NPAS3: variants seen among roughly 807,000 people sequenced by gnomAD.
The protein encoded by NPAS3 is neuronal PAS domain-containing protein 3.
In NPAS3, 14 loss-of-function variants were observed where a neutral mutation model predicts 73.1. The observed-to-expected ratio is 0.19, with a 90% confidence interval of 0.13 to 0.30. The LOEUF (loss-of-function observed/expected upper bound fraction) is 0.30. Ranked by LOEUF, NPAS3 falls within the 10% of genes least tolerant of loss-of-function variation. The pLI is 1.00. For missense variants in NPAS3, 1,096 were observed against 1,250.0 expected, an observed-to-expected ratio of 0.88 and a Z score of 1.86; for synonymous variants, 620 against 541.5, an observed-to-expected ratio of 1.14 and a Z score of -2.01.
At chr14:33,760,453 G>A (rs1484145705) in intron 7 of NPAS3, among the ~76,000 whole-genome samples, 1 of 152,126 alleles carries the variant, frequency 6.6e-6, no homozygotes, top group Admixed American at 6.6e-5. Flanking sequence ...TATGTAGTTT[G>A]GAAGAAGTGC....
intron 2 of NPAS3, among the ~76,000 whole-genome samples, chr14:33,067,044 C>T (rs1392152984): frequency 6.6e-6 from 1 of 152,194 alleles, no homozygotes; most frequent in African/African-American, 2.4e-5. Flanking sequence ...AGTGGAAGCT[C>T]AGAGAGGTCA....
intron 5 of NPAS3, among the ~76,000 whole-genome samples, chr14:33,583,052 A>G (rs1054409761): frequency 1.4e-5 from 2 of 139,032 alleles, no homozygotes; most frequent in African/African-American, 5.7e-5. Flanking sequence ...TAACCACTAC[A>G]GAAAGCCCTA....
intron 3 of NPAS3, among the ~76,000 whole-genome samples, chr14:33,245,743 T>G (rs2048352265): frequency 6.6e-6 from 1 of 152,166 alleles, no homozygotes; most frequent in African/African-American, 2.4e-5. Flanking sequence ...TATTACAGTT[T>G]ACTCTAATAC....
intron 4 of NPAS3, among the ~76,000 whole-genome samples, chr14:33,452,495 G>A (rs943808791): frequency 1.8e-4 from 27 of 152,136 alleles, no homozygotes; most frequent in Admixed American, 1.1e-3. Flanking sequence ...AGTCATGGCC[G>A]GGCGTGTTGG....
intron 2 of NPAS3, among the ~76,000 whole-genome samples, chr14:33,168,220 G>A (rs1226233486): frequency 6.6e-6 from 1 of 152,074 alleles, no homozygotes; most frequent in Non-Finnish European, 1.5e-5. Context: ...TTAAAGTTGG[G>A]GTAAACTCTG....
Position 33,004,817 on chromosome 14 carries a change from C to CTTTTTTT in NPAS3, c.51-51075_51-51069dup. On this transcript the variant is annotated intron_variant, in intron 1 of 11. Coordinates refer to ENST00000356141, the Ensembl canonical transcript of NPAS3. ...CTTTTTTCTATTGTAAAAAGTTTTC[C>CTTTTTTT]TTTTTTTTTTTTTTTTTTTAGTTTT... Among the ~76,000 whole-genome samples, 275 of 63,820 alleles carry CTTTTTTT rather than the reference C, an allele frequency of 4.3e-3. 1 individual carries two copies. The highest frequency in any genetic ancestry group is 5.2e-3 in the Non-Finnish European group (148 of 28,568). 41.9% of individuals were successfully genotyped at this position (63,820 alleles called of 152,430 possible). A position where few individuals can be genotyped will look rare whatever the true frequency, so the allele number is the denominator to read the frequency against.
chr14:33,045,774 G>A (rs976883562), intron 1 of NPAS3, among the ~76,000 whole-genome samples: 18 of 152,220 alleles, frequency 1.2e-4, no homozygotes, highest in Middle Eastern at 3.4e-3. Flanking sequence ...AGTTCTTAAG[G>A]CTATGTTGGA....
intron 4 of NPAS3, among the ~76,000 whole-genome samples, chr14:33,368,456 G>A (rs571486030): frequency 6.6e-6 from 1 of 152,226 alleles, no homozygotes; most frequent in South Asian, 2.1e-4. Flanking sequence ...CTAAATCAGA[G>A]TTTATAGGGT....
chr14:33,189,465 T>G (rs1335019534), intron 2 of NPAS3, among the ~76,000 whole-genome samples: 1 of 152,216 alleles, frequency 6.6e-6, no homozygotes, highest in Admixed American at 6.5e-5. Flanking sequence ...TTACCTGGAC[T>G]ATGCACTGAG....
At chr14:33,109,491 A>G (rs2042821702) in intron 2 of NPAS3, among the ~76,000 whole-genome samples, 1 of 152,316 alleles carries the variant, frequency 6.6e-6, no homozygotes, top group East Asian at 1.9e-4. Context: ...AATCTGCAGT[A>G]TATCCAAGTA....
At chr14:33,561,581 A>G (rs2055651762) in intron 5 of NPAS3, among the ~76,000 whole-genome samples, 1 of 152,162 alleles carries the variant, frequency 6.6e-6, no homozygotes, top group South Asian at 2.1e-4. Context: ...AATAGCCTTT[A>G]ACAGACTTTA....
chr14:33,646,109 G>A (rs2058821804), intron 5 of NPAS3, among the ~76,000 whole-genome samples: 2 of 152,144 alleles, frequency 1.3e-5, no homozygotes, highest in Admixed American at 1.3e-4. Flanking sequence ...CTGAGAAAAC[G>A]AGGGGTCTGC....
chr14:33,483,081 T>C (rs1371020055), intron 4 of NPAS3, among the ~76,000 whole-genome samples: 3 of 152,228 alleles, frequency 2.0e-5, no homozygotes, highest in Non-Finnish European at 4.4e-5. Context: ...CCCATGTTAG[T>C]TGACTACGTA....
intron 1 of NPAS3, among the ~76,000 whole-genome samples, chr14:33,037,207 G>A (rs556946498): frequency 1.3e-5 from 2 of 152,230 alleles, no homozygotes; most frequent in East Asian, 3.9e-4. Context: ...ATATATTTGT[G>A]AGTTCTAATC....
chr14:33,300,957 C>G (rs1442814625), intron 3 of NPAS3, among the ~76,000 whole-genome samples: 2 of 152,040 alleles, frequency 1.3e-5, no homozygotes, highest in Non-Finnish European at 2.9e-5. Flanking sequence ...AGGTGGACTC[C>G]CAGCCTCTAG....
At chr14:33,491,775 C>T (rs994919345) in intron 4 of NPAS3, among the ~76,000 whole-genome samples, 3 of 152,020 alleles carry the variant, frequency 2.0e-5, no homozygotes, top group Non-Finnish European at 4.4e-5. Context: ...AATGGCTAAG[C>T]GTATTAATTG....
chr14:33,741,405 T>C (rs539665774), intron 7 of NPAS3, among the ~76,000 whole-genome samples: 4 of 152,142 alleles, frequency 2.6e-5, no homozygotes, highest in African/African-American at 9.6e-5. Context: ...CCAAGATAAA[T>C]TGAAGGAGAA....
chr14:33,278,658 T>C (rs1055676237), intron 3 of NPAS3, among the ~76,000 whole-genome samples: 3 of 152,194 alleles, frequency 2.0e-5, no homozygotes, highest in African/African-American at 4.8e-5. Context: ...TGTGAATAAA[T>C]GGTACTCACT....
At chr14:33,544,829 G>GTA (rs2054757729) in intron 4 of NPAS3, among the ~76,000 whole-genome samples, 2 of 80,064 alleles carry the variant, frequency 2.5e-5, no homozygotes, top group African/African-American at 1.0e-4. Flanking sequence ...TAATATATAT[G>GTA]TGTATATATA....
Sources: gnomAD v4.1 joint callset for allele counts (sites outside exome capture counted in the v4.1 genomes callset) on GRCh38, gnomAD v4.1.1 for gene constraint, MANE v1.5 for transcripts, NCBI Gene and HGNC (gene_info 2026-07-23, HGNC 2026-07-21) for gene names.